FBXL17: variants seen among roughly 807,000 people sequenced by gnomAD.
FBXL17 encodes the protein F-box/LRR-repeat protein 17.
Under a neutral mutation model 66.2 loss-of-function variants are expected in FBXL17, and 22 were observed. That is an observed-to-expected ratio of 0.33 (90% CI 0.24 to 0.47). The LOEUF (loss-of-function observed/expected upper bound fraction) is 0.47. FBXL17 is among the 20% of genes least tolerant of loss of function. FBXL17 has a pLI of 1.00. For missense variants in FBXL17, 878 were observed against 948.2 expected (o/e 0.93, Z 0.97); for synonymous variants, 474 against 400.5 (o/e 1.18, Z -2.19).
rs368399511 is a variant in FBXL17, at chr5:108,126,660, TATAC to T, written c.1745+59453_1745+59456del. ...CTCTCTCTCTCTCTCTCTATATATA[TATAC>T]ATATATATATATATATATATACACA... On this transcript the variant is annotated intron_variant, in intron 6 of 8. Transcript: ENST00000542267. 3.1e-3 allele frequency among the ~76,000 whole-genome samples: 359 copies of T among 116,380 alleles called. 6 individuals carry two copies. The highest frequency in any genetic ancestry group is 0.011 in the South Asian group (41 of 3,684). The allele number at this position is 116,380 out of a possible 152,430, so 76.3% of individuals were successfully genotyped here. A position where few individuals can be genotyped will look rare whatever the true frequency, so the allele number is the denominator to read the frequency against.
intron 4 of FBXL17, among the ~76,000 whole-genome samples, chr5:108,310,124 G>A (rs927581937): frequency 6.6e-6 from 1 of 151,986 alleles, no homozygotes; most frequent in Non-Finnish European, 1.5e-5. Context: ...GGTAATTCAG[G>A]TCTTCCTAAG....
At chr5:108,045,168 G>A (rs1207579850) in intron 6 of FBXL17, among the ~76,000 whole-genome samples, 1 of 152,048 alleles carries the variant, frequency 6.6e-6, no homozygotes, top group African/African-American at 2.4e-5. Flanking sequence ...CCGGCCAGGC[G>A]TGGTGACTGA....
chr5:108,156,805 G>A (rs956316093), intron 6 of FBXL17, among the ~76,000 whole-genome samples: 3 of 151,758 alleles, frequency 2.0e-5, no homozygotes, highest in Non-Finnish European at 3.0e-5. Flanking sequence ...AATTAAACTC[G>A]TGCTCTAATC....
intron 6 of FBXL17, among the ~76,000 whole-genome samples, chr5:108,154,612 T>TACACAC (rs1407716122): frequency 6.3e-4 from 60 of 95,436 alleles, no homozygotes; most frequent in African/African-American, 2.9e-3. Context: ...AAAAAATATA[T>TACACAC]ATATACACAC....
chr5:108,348,729 G>A (rs571781571), intron 3 of FBXL17, among the ~76,000 whole-genome samples, 199 bp from the exon 4 acceptor site: 25 of 152,112 alleles, frequency 1.6e-4, no homozygotes, highest in Non-Finnish European at 2.9e-4. Flanking sequence ...ATTTACCCCC[G>A]TTTCAACCAA....
At chr5:107,968,673 G>C (rs192198943) in intron 7 of FBXL17, among the ~76,000 whole-genome samples, 81 of 152,140 alleles carry the variant, frequency 5.3e-4, no homozygotes, top group African/African-American at 1.9e-3. Flanking sequence ...CAACAATTAG[G>C]TGAATAATCC....
At chr5:107,884,068 C>T (rs1448309562) in intron 7 of FBXL17, among the ~76,000 whole-genome samples, 1 of 152,134 alleles carries the variant, frequency 6.6e-6, no homozygotes, top group East Asian at 1.9e-4. Context: ...ATTAATGGCA[C>T]TGGGGTAGGT....
intron 4 of FBXL17, among the ~76,000 whole-genome samples, chr5:108,293,973 G>A (rs574366924): frequency 8.3e-4 from 123 of 148,378 alleles, no homozygotes; most frequent in Non-Finnish European, 1.3e-3. Context: ...CCCAGGAGGC[G>A]GAGGCTGCAG....
chr5:108,255,759 C>T (rs1756549999), intron 4 of FBXL17, among the ~76,000 whole-genome samples: 1 of 152,060 alleles, frequency 6.6e-6, no homozygotes, highest in South Asian at 2.1e-4. Context: ...TGCCCCATCA[C>T]AGGTACTCAA....
At chr5:108,161,161 GATACATACATACATACATAC>G (rs36073647) in intron 6 of FBXL17, among the ~76,000 whole-genome samples, 2 of 149,202 alleles carry the variant, frequency 1.3e-5, no homozygotes, top group African/African-American at 5.0e-5. Context: ...TCAACAAATA[GATACATACATACATACATAC>G]ATACATACAT....
intron 7 of FBXL17, among the ~76,000 whole-genome samples, chr5:107,909,440 G>A (rs1377080061): frequency 2.6e-5 from 4 of 152,114 alleles, no homozygotes; most frequent in Admixed American, 1.3e-4. Flanking sequence ...ATGAGCACAT[G>A]GAACTTTAGG....
chr5:107,950,463 T>C (rs954573357), intron 7 of FBXL17, among the ~76,000 whole-genome samples: 6 of 152,148 alleles, frequency 3.9e-5, no homozygotes, highest in African/African-American at 1.4e-4. Flanking sequence ...GTTTGTAAAA[T>C]AAAATGTTTT....
intron 4 of FBXL17, among the ~76,000 whole-genome samples, chr5:108,263,582 T>C (rs973752031): frequency 6.6e-6 from 1 of 152,206 alleles, no homozygotes; most frequent in Non-Finnish European, 1.5e-5. Context: ...AGCATTTCTA[T>C]TATAAATACA....
At chr5:108,070,749 T>C (rs1748297433) in intron 6 of FBXL17, among the ~76,000 whole-genome samples, 1 of 152,120 alleles carries the variant, frequency 6.6e-6, no homozygotes, top group African/African-American at 2.4e-5. Context: ...TCTTGACTAG[T>C]GAGATTAAGA....
chr5:108,208,493 G>C (rs1322737462), intron 5 of FBXL17, among the ~76,000 whole-genome samples: 1 of 152,136 alleles, frequency 6.6e-6, no homozygotes, highest in Non-Finnish European at 1.5e-5. Flanking sequence ...TTTGTATAAG[G>C]TGTAAGCAAA....
chr5:107,866,652 T>C (rs1748285774), intron 8 of FBXL17, among the ~76,000 whole-genome samples: 1 of 152,224 alleles, frequency 6.6e-6, no homozygotes. Flanking sequence ...ATCTCCTCAA[T>C]GATACCTACT....
At chr5:108,378,114 C>T (rs1242933539) in intron 1 of FBXL17, among the ~76,000 whole-genome samples, 1 of 151,930 alleles carries the variant, frequency 6.6e-6, no homozygotes, top group Admixed American at 6.6e-5. Context: ...TTTTTGACTG[C>T]TTTAAAGCAG....
intron 5 of FBXL17, among the ~76,000 whole-genome samples, chr5:108,196,245 A>C (rs776940506): frequency 2.0e-4 from 30 of 152,002 alleles, no homozygotes; most frequent in South Asian, 4.2e-4. Context: ...CAAAAAAAAA[A>C]CGCTTATAGC....
At chr5:107,878,183 A>T in intron 8 of FBXL17, 1 of 919,970 alleles carries the variant, frequency 1.1e-6, no homozygotes, top group Non-Finnish European at 1.3e-6. Flanking sequence ...TCTTAATTTT[A>T]AATTTAGGTG....
Sources: gnomAD v4.1 joint callset for allele counts (sites outside exome capture counted in the v4.1 genomes callset) on GRCh38, gnomAD v4.1.1 for gene constraint, MANE v1.5 for transcripts, NCBI Gene and HGNC (gene_info 2026-07-23, HGNC 2026-07-21) for gene names.